FBXO31: variants seen among roughly 807,000 people sequenced by gnomAD.
FBXO31 encodes F-box protein 31.
Under a neutral mutation model 54.4 loss-of-function variants are expected in FBXO31, and 24 were observed. The ratio of observed to expected loss-of-function variants is 0.44; its 90% CI spans 0.32 to 0.62. The LOEUF is 0.62. FBXO31 is among the 20% of genes least tolerant of loss of function. The pLI is 0.05. For synonymous variants in FBXO31, 388 were observed against 335.6 expected (o/e 1.16, Z -1.71); for missense variants, 665 against 787.1 (o/e 0.84, Z 1.86).
Position 87,336,058 on chromosome 16 carries a change from G to A in FBXO31, c.842+97C>T. On this transcript the variant is annotated intron_variant, in intron 6 of 8. Coordinates refer to ENST00000311635, the MANE Select transcript of FBXO31 (RefSeq NM_024735.5). The surrounding 1 kb of genome is among the most constrained non-coding windows in gnomAD (Gnocchi z 6.5). ...AGGGCTGAACCCCAGCACCCACTGAGACAAAGGACTATGCCCCAGCACCCA... is the reference window on the plus strand; with the variant it reads ...AGGGCTGAACCCCAGCACCCACTGAAACAAAGGACTATGCCCCAGCACCCA... 1.0e-6 allele frequency: 1 copy of A among 981,704 alleles called. No individual in the cohort carries two copies. Among genetic ancestry groups the A allele is most frequent in the Non-Finnish European group, 1.5e-6 (1 of 647,532 alleles). The allele number at this position is 981,704 out of a possible 1,614,324, so 60.8% of individuals were successfully genotyped here. A position where few individuals can be genotyped will look rare whatever the true frequency, so the allele number is the denominator to read the frequency against.
intron 5 of FBXO31, among the ~76,000 whole-genome samples, chr16:87,342,128 C>T (rs77372733): frequency 0.014 from 2,136 of 152,226 alleles, 49 homozygotes; most frequent in African/African-American, 0.049. Flanking sequence ...TGCGGTGGTG[C>T]GCTCATAGCT....
At chr16:87,391,688 A>C (rs577616524), upstream of FBXO31, 10 of 152,380 alleles carry the variant, frequency 6.6e-5, no homozygotes, top group East Asian at 1.4e-3. Context: ...AGTTGCGCAA[A>C]CGCGCCAAGG....
chr16:87,339,421 A>G (rs900092134), intron 5 of FBXO31, among the ~76,000 whole-genome samples: 9 of 152,226 alleles, frequency 5.9e-5, no homozygotes, highest in Non-Finnish European at 1.3e-4. Context: ...AGCAGCGAGG[A>G]CACTGCAGGC....
At chr16:87,365,028 T>TATATCAG (rs1906301860) in intron 1 of FBXO31, among the ~76,000 whole-genome samples, 1 of 106,764 alleles carries the variant, frequency 9.4e-6, no homozygotes, top group East Asian at 3.1e-4. Flanking sequence ...TATATATATA[T>TATATCAG]ATATATATAT....
chr16:87,363,204 G>C (rs1219913144), intron 1 of FBXO31, among the ~76,000 whole-genome samples: 4 of 152,030 alleles, frequency 2.6e-5, no homozygotes, highest in African/African-American at 7.2e-5. Context: ...GACCAACATG[G>C]AGAAACCCCG....
rs1185295101 is a variant in FBXO31 at position 87,328,839 on chromosome 16, C to G, written c.*2449G>C. On this transcript the variant is annotated 3_prime_UTR_variant, in exon 9 of 9. Transcript: ENST00000311635. ...CACCTGCCACCTTCCCCAATCAAGC[C>G]TAATGCGCTTGGCTGTCCTGAACTG... The G allele has an allele frequency of 6.6e-6, 1 of 152,328 alleles. No homozygotes were observed. The highest frequency in any genetic ancestry group is 6.5e-5 in the Admixed American group (1 of 15,292). The allele number at this position is 152,328 out of a possible 1,614,324, so 9.4% of individuals were successfully genotyped here.
intron 1 of FBXO31, chr16:87,389,521 T>C (rs1907446690): frequency 6.6e-6 from 1 of 152,190 alleles, no homozygotes; most frequent in Non-Finnish European, 1.5e-5. Context: ...CAGATATCGA[T>C]TTTTTCCCTT....
intron 1 of FBXO31, among the ~76,000 whole-genome samples, chr16:87,371,202 C>T (rs1906588220): frequency 6.6e-6 from 1 of 152,216 alleles, no homozygotes; most frequent in South Asian, 2.1e-4. Flanking sequence ...ATGAGGTGAC[C>T]ACTGAGCCAG....
upstream of FBXO31, among the ~76,000 whole-genome samples, chr16:87,387,360 G>C (rs138378284): frequency 1.4e-3 from 215 of 152,302 alleles, 5 homozygotes; most frequent in East Asian, 0.03. Flanking sequence ...AGATAGAAGA[G>C]ATCATTTGTT....
At chr16:87,356,483 C>T (rs755251762) in intron 2 of FBXO31, among the ~76,000 whole-genome samples, 32 of 152,110 alleles carry the variant, frequency 2.1e-4, no homozygotes, top group Non-Finnish European at 4.4e-4. Flanking sequence ...GGTCCACAGA[C>T]TCCTGAGAGG....
chr16:87,367,940 T>A (rs1042257269), intron 1 of FBXO31: 1 of 152,246 alleles, frequency 6.6e-6, no homozygotes, highest in Non-Finnish European at 1.5e-5. Flanking sequence ...CAATGCATCC[T>A]CTAACCTGTC....
chr16:87,347,841 C>T (rs1469135684), intron 2 of FBXO31, among the ~76,000 whole-genome samples: 2 of 152,178 alleles, frequency 1.3e-5, no homozygotes, highest in African/African-American at 2.4e-5. Flanking sequence ...GTGCAAACAG[C>T]GAGCTGGACT....
chr16:87,373,345 A>G (rs934735450), intron 1 of FBXO31, among the ~76,000 whole-genome samples: 1 of 152,012 alleles, frequency 6.6e-6, no homozygotes, highest in Admixed American at 6.6e-5. Context: ...CCAGCTACTC[A>G]GGAGGCTGAG....
At chr16:87,384,441 C>T (rs2150702587), upstream of FBXO31, among the ~76,000 whole-genome samples, 1 of 152,252 alleles carries the variant, frequency 6.6e-6, no homozygotes, top group African/African-American at 2.4e-5. Flanking sequence ...TCCGGGGATG[C>T]GCGCCCGGTC....
intron 2 of FBXO31, among the ~76,000 whole-genome samples, chr16:87,347,715 A>G (rs2072801199): frequency 6.6e-6 from 1 of 151,858 alleles, no homozygotes; most frequent in African/African-American, 2.4e-5. Context: ...TCAGAATGAA[A>G]CTATCCTCAG....
chr16:87,344,899 G>A lies in FBXO31; in HGVS notation c.490-1134C>T, dbSNP rs552715220. 1.9e-3 allele frequency among the ~76,000 whole-genome samples: 274 copies of A among 145,586 alleles called. 1 individual carries two copies. The highest frequency in any genetic ancestry group is 6.0e-3 in the African/African-American group (234 of 38,762). On this transcript the variant is annotated intron_variant, in intron 3 of 8. Coordinates refer to ENST00000311635, the MANE Select transcript of FBXO31 (RefSeq NM_024735.5). ...TGCCCCAAACCCCACCTCCGGCAGC[G>A]CCCATCCCTTCCCCAAACCCCACCT...
intron 4 of FBXO31, 57 bp downstream of exon 4, chr16:87,343,541 G>A (rs1905258395): frequency 1.3e-6 from 2 of 1,543,060 alleles, no homozygotes; most frequent in East Asian, 2.4e-5. Context: ...GGCCTGGCTG[G>A]AGCCCACACA....
At chr16:87,386,407 T>C (rs556902679), upstream of FBXO31, among the ~76,000 whole-genome samples, 3 of 152,296 alleles carry the variant, frequency 2.0e-5, no homozygotes, top group South Asian at 6.2e-4. Flanking sequence ...AGGACGATTT[T>C]ATGTGGTACA....
chr16:87,380,282 G>A (rs1208756916), intron 1 of FBXO31, among the ~76,000 whole-genome samples: 1 of 134,572 alleles, frequency 7.4e-6, no homozygotes, highest in Non-Finnish European at 1.5e-5. Flanking sequence ...TGGTGACAGA[G>A]CGAGACTCCG....
Sources: gnomAD v4.1 joint callset for allele counts (sites outside exome capture counted in the v4.1 genomes callset) on GRCh38, gnomAD v4.1.1 for gene constraint, Gnocchi (gnomAD v3.1) non-coding constraint, MANE v1.5 for transcripts, NCBI Gene and HGNC (gene_info 2026-07-23, HGNC 2026-07-21) for gene names.